The following ATP13A5 variants were observed in gnomAD, a reference collection of about 807,000 sequenced individuals.
ATP13A5 encodes ATPase 13A5.
ATP13A5 carries 149 observed loss-of-function variants against 150.2 expected under a neutral mutation model. The observed-to-expected ratio is 0.99, with a 90% CI of 0.87 to 1.14. ATP13A5 has a LOEUF of 1.14. ATP13A5 is among the 50% of genes most tolerant of loss of function. ATP13A5 has a pLI of 0.00. For missense variants in ATP13A5, 1,383 were observed against 1,449.3 expected (o/e 0.95, Z 0.74); for synonymous variants, 497 against 522.2 (o/e 0.95, Z 0.66).
intron 26 of ATP13A5, among the ~76,000 whole-genome samples, chr3:193,289,668 G>T (rs1717867904): frequency 6.6e-6 from 1 of 152,076 alleles, no homozygotes; most frequent in South Asian, 2.1e-4. Context: ...CCAGTTGTTA[G>T]ATCTATACAT....
At chr3:193,279,098 T>C (rs776466871) in intron 28 of ATP13A5, among the ~76,000 whole-genome samples, 4 of 152,346 alleles carry the variant, frequency 2.6e-5, no homozygotes, top group South Asian at 4.1e-4. Context: ...AATTTTATTG[T>C]ATTGGTATAA....
intron 17 of ATP13A5, 110 bp from the exon 18 acceptor site, chr3:193,315,206 A>G (rs1338448995): frequency 1.8e-6 from 2 of 1,111,016 alleles, no homozygotes; most frequent in African/African-American, 3.2e-5. Flanking sequence ...ATACAGGCAC[A>G]TTTTAAAAAT....
chr3:193,364,314 T>C, intron 1 of ATP13A5, 34 bp from the exon 2 acceptor site: 1 of 1,596,240 alleles, frequency 6.3e-7, no homozygotes, highest in Non-Finnish European at 8.5e-7. Context: ...GCTCTATTTT[T>C]CTTTTCTTCA....
chr3:193,348,378 C>T (rs1380849465), intron 7 of ATP13A5, among the ~76,000 whole-genome samples: 9 of 152,154 alleles, frequency 5.9e-5, no homozygotes, highest in Admixed American at 1.3e-4. Context: ...TCAGGTGCCT[C>T]TTGAGCTTGG....
At chr3:193,353,246 T>A (rs575199866) in intron 6 of ATP13A5, among the ~76,000 whole-genome samples, 2 of 146,336 alleles carry the variant, frequency 1.4e-5, no homozygotes, top group Non-Finnish European at 3.0e-5. Context: ...AACAAAGCCA[T>A]CAAAGAAGCA....
chr3:193,308,675 T>C (rs1718714927), intron 21 of ATP13A5, among the ~76,000 whole-genome samples: 1 of 152,156 alleles, frequency 6.6e-6, no homozygotes, highest in Non-Finnish European at 1.5e-5. Flanking sequence ...AGAAAGAGAA[T>C]GCAGACAGCC....
intron 5 of ATP13A5, among the ~76,000 whole-genome samples, chr3:193,356,249 G>A (rs551972384): frequency 4.8e-5 from 7 of 145,680 alleles, no homozygotes; most frequent in African/African-American, 1.8e-4. Flanking sequence ...GAAAGTACAC[G>A]TTATGTTTCA....
intron 15 of ATP13A5, 116 bp downstream of exon 15, chr3:193,322,375 C>A: frequency 1.3e-6 from 1 of 792,636 alleles, no homozygotes. Flanking sequence ...GCAAACCAAC[C>A]GTGGAAACTG....
At chr3:193,372,959 T>C (rs1010176327) in intron 1 of ATP13A5, among the ~76,000 whole-genome samples, 2 of 152,204 alleles carry the variant, frequency 1.3e-5, no homozygotes, top group Admixed American at 1.3e-4. Flanking sequence ...ATATACATGT[T>C]GACTGAAAAC....
At chr3:193,287,589 T>C (rs184386979) in intron 26 of ATP13A5, among the ~76,000 whole-genome samples, 2 of 152,170 alleles carry the variant, frequency 1.3e-5, no homozygotes, top group Admixed American at 1.3e-4. Context: ...GACCTACTGC[T>C]CAGAAAAAAA....
intron 1 of ATP13A5, among the ~76,000 whole-genome samples, chr3:193,377,655 G>A (rs761040618): frequency 2.0e-5 from 3 of 152,208 alleles, no homozygotes; most frequent in African/African-American, 7.2e-5. Context: ...TAGGTGGAGG[G>A]AGAGCCGGTA....
rs755766325 is a variant in ATP13A5 at position 193,275,172 on chromosome 3, G to T, written c.3527C>A (p.Thr1176Lys). Residue 1176 changes from threonine to lysine, a missense_variant, in exon 30 of 30, where the codon ACA becomes AAA. By Grantham distance (78) the Thr-to-Lys change is moderately conservative. Around this residue, in one of 3 missense-constraint regions of ATP13A5, gnomAD observed 568 missense variants for 621.5 expected, o/e 0.91. Transcript: ENST00000342358. ...EDSTWPPINR[T>K]DYSGDGKNGF... is the part of the protein sequence containing the mutation. ...ATTTTTGCCATCACCTGAATAATCT[G>T]TCCTGTTTATGGGAGGCCAGGTTGA... is the stretch of plus-strand genomic sequence containing the variant. 6.2e-7 allele frequency: 1 copy of T among 1,614,120 alleles called. No individual in the cohort carries two copies. The highest frequency in any genetic ancestry group is 1.1e-5 in the South Asian group (1 of 91,076).
chr3:193,322,319 T>C (rs1460916000), intron 15 of ATP13A5, among the ~76,000 whole-genome samples, 172 bp downstream of exon 15: 1 of 152,200 alleles, frequency 6.6e-6, no homozygotes, highest in Non-Finnish European at 1.5e-5. Context: ...ACACAGGTAG[T>C]GTTTGTTGAA....
intron 9 of ATP13A5, among the ~76,000 whole-genome samples, chr3:193,342,561 T>C (rs1033925660): frequency 1.3e-5 from 2 of 152,228 alleles, no homozygotes; most frequent in South Asian, 2.1e-4. Context: ...AAAGGAAAAC[T>C]AGAAGCCACT....
intron 5 of ATP13A5, among the ~76,000 whole-genome samples, chr3:193,358,235 T>A (rs1484829298): frequency 6.6e-6 from 1 of 152,222 alleles, no homozygotes; most frequent in Non-Finnish European, 1.5e-5. Context: ...CATAACCCAC[T>A]TCCAGGAACT....
chr3:193,323,884 G>T (rs1323333028), intron 14 of ATP13A5: 7 of 152,088 alleles, frequency 4.6e-5, no homozygotes, highest in African/African-American at 1.4e-4. Context: ...CCATTCTTTT[G>T]CAGCTATGTT....
intron 5 of ATP13A5, among the ~76,000 whole-genome samples, chr3:193,354,619 G>A (rs1233119178): frequency 1.3e-5 from 2 of 151,356 alleles, no homozygotes; most frequent in Non-Finnish European, 1.5e-5. Context: ...CTAGGACAGG[G>A]CCCTTAGTAT....
chr3:193,312,888 G>A (rs928440082), intron 19 of ATP13A5: 1 of 152,096 alleles, frequency 6.6e-6, no homozygotes, highest in Non-Finnish European at 1.5e-5. Context: ...ACAAGGGCAG[G>A]AATTCCTTTT....
intron 24 of ATP13A5, among the ~76,000 whole-genome samples, chr3:193,300,834 C>G (rs1402515152): frequency 1.3e-5 from 2 of 152,196 alleles, no homozygotes; most frequent in Non-Finnish European, 2.9e-5. Context: ...TCAACAGCTT[C>G]TCTTCCTTTT....
Sources: allele counts gnomAD v4.1 joint callset (sites outside exome capture counted in the v4.1 genomes callset), GRCh38; gene constraint gnomAD v4.1.1; regional missense constraint gnomAD v4.1.1; transcripts MANE v1.5; gene names NCBI Gene and HGNC (gene_info 2026-07-23, HGNC 2026-07-21).